Variants in KHDRBS2 observed in about 807,000 individuals in gnomAD.
KHDRBS2 encodes the protein KH domain-containing, RNA-binding, signal transduction-associated protein 2.
KHDRBS2 carries 26 observed loss-of-function variants against 44.3 expected under a neutral mutation model. The ratio of observed to expected loss-of-function variants is 0.59; its 90% CI spans 0.43 to 0.81. The LOEUF (loss-of-function observed/expected upper bound fraction) is 0.81, where lower values mean the gene tolerates loss of function less well. Among genes scored for constraint, KHDRBS2 ranks in the 40% least tolerant of loss-of-function variants. KHDRBS2 has a pLI of 0.00. For missense variants in KHDRBS2, 476 were observed against 433.1 expected (o/e 1.10, Z -0.88); for synonymous variants, 194 against 151.1 (o/e 1.28, Z -2.08).
intron 6 of KHDRBS2, among the ~76,000 whole-genome samples, chr6:61,771,151 C>A (rs1487439249): frequency 6.6e-6 from 1 of 152,174 alleles, no homozygotes; most frequent in Non-Finnish European, 1.5e-5. Context: ...GATTTTGTCA[C>A]CACCAGGCCT....
intron 6 of KHDRBS2, among the ~76,000 whole-genome samples, chr6:61,812,693 A>C (rs1391065214): frequency 6.6e-6 from 1 of 152,080 alleles, no homozygotes; most frequent in African/African-American, 2.4e-5. Flanking sequence ...AAAAGGATAA[A>C]ATATAAAACA....
chr6:61,581,494 T>A, the KHDRBS2 span, among the ~76,000 whole-genome samples: 1 of 149,726 alleles, frequency 6.7e-6, no homozygotes, highest in Non-Finnish European at 1.5e-5. Context: ...AGTGAAGACA[T>A]AAAACTTGTG....
the KHDRBS2 span, among the ~76,000 whole-genome samples, chr6:61,663,500 CATAT>C: frequency 0.093 from 3,336 of 35,994 alleles, 786 homozygotes; most frequent in Middle Eastern, 0.33. Flanking sequence ...CATGAGACAC[CATAT>C]ATATATATAT....
intron 4 of KHDRBS2, among the ~76,000 whole-genome samples, chr6:61,939,832 G>A (rs147818502): frequency 6.6e-6 from 1 of 152,304 alleles, no homozygotes; most frequent in East Asian, 1.9e-4. Flanking sequence ...AGGCTATGGA[G>A]ATGCAAAATT....
chr6:62,047,844 G>C, intron 3 of KHDRBS2, 34 bp downstream of exon 3: 1 of 1,376,040 alleles, frequency 7.3e-7, no homozygotes, highest in Non-Finnish European at 1.0e-6. Flanking sequence ...GTAACCTCCT[G>C]AATGTGGTAA....
chr6:61,841,085 A>C (rs1359787814), intron 6 of KHDRBS2, among the ~76,000 whole-genome samples: 10 of 152,176 alleles, frequency 6.6e-5, no homozygotes, highest in Non-Finnish European at 1.5e-4. Flanking sequence ...CTCTGCTAAT[A>C]CTAATAAAAA....
intron 6 of KHDRBS2, among the ~76,000 whole-genome samples, chr6:61,835,270 A>G (rs1259861106): frequency 6.6e-6 from 1 of 152,070 alleles, no homozygotes; most frequent in East Asian, 1.9e-4. Context: ...CACCCTTCTC[A>G]TGCCTACGTG....
At chr6:61,751,108 T>C (rs548103356) in intron 6 of KHDRBS2, among the ~76,000 whole-genome samples, 7 of 152,278 alleles carry the variant, frequency 4.6e-5, no homozygotes, top group Admixed American at 1.3e-4. Context: ...CTTATACCCA[T>C]TTTATAACTG....
At position 61,743,206 on chromosome 6, in the gene KHDRBS2, T is replaced by C. The variant is rs527249402; in HGVS notation, c.811-10442A>G. ...CATAAACATATATAACAAGCATGCATTGGGAGACCAGTAAAAGCCAGTATG... is the reference window on the plus strand; with the variant it reads ...CATAAACATATATAACAAGCATGCACTGGGAGACCAGTAAAAGCCAGTATG... On this transcript the variant is annotated intron_variant, in intron 6 of 8. Coordinates refer to ENST00000281156, the MANE Select transcript of KHDRBS2 (RefSeq NM_152688.4). Among the ~76,000 whole-genome samples the C allele has an allele frequency of 8.5e-5, 13 of 152,214 alleles. No individual in the cohort carries two copies. In the East Asian group the frequency reaches 2.1e-3, roughly 25 times the overall value.
intron 2 of KHDRBS2, among the ~76,000 whole-genome samples, chr6:62,128,826 A>G (rs1446384462): frequency 6.6e-6 from 1 of 152,084 alleles, no homozygotes; most frequent in East Asian, 1.9e-4. Context: ...ATCATATCCC[A>G]GCCAACATAT....
chr6:62,231,318 G>A (rs984001654), intron 1 of KHDRBS2, among the ~76,000 whole-genome samples: 3 of 152,306 alleles, frequency 2.0e-5, no homozygotes, highest in East Asian at 1.9e-4. Flanking sequence ...GGCAGAAGGC[G>A]AAGGAGAAGC....
chr6:62,012,390 T>C (rs1019977465), intron 3 of KHDRBS2, among the ~76,000 whole-genome samples: 1 of 152,172 alleles, frequency 6.6e-6, no homozygotes, highest in Non-Finnish European at 1.5e-5. Flanking sequence ...CTGTATCCAC[T>C]CTTACTCATC....
At chr6:61,610,328 A>G in the KHDRBS2 span, among the ~76,000 whole-genome samples, 2 of 152,230 alleles carry the variant, frequency 1.3e-5, no homozygotes, top group African/African-American at 4.8e-5. Context: ...GATTTGCTTC[A>G]TATATTTAAA....
At chr6:61,694,672 C>G (rs1767713974) in intron 8 of KHDRBS2, among the ~76,000 whole-genome samples, 1 of 152,146 alleles carries the variant, frequency 6.6e-6, no homozygotes, top group African/African-American at 2.4e-5. Context: ...GCCTGGCTGG[C>G]CCCTGGTGTG....
chr6:62,200,371 A>G (rs1249655777), intron 1 of KHDRBS2, among the ~76,000 whole-genome samples: 2 of 152,194 alleles, frequency 1.3e-5, no homozygotes, highest in Non-Finnish European at 2.9e-5. Flanking sequence ...TCTACAATGA[A>G]CTCAAACAAA....
intron 1 of KHDRBS2, among the ~76,000 whole-genome samples, chr6:62,217,149 T>C (rs1830147225): frequency 1.3e-5 from 2 of 151,744 alleles, no homozygotes; most frequent in African/African-American, 4.8e-5. Context: ...ATAATGCATG[T>C]GCTTAATGCA....
At position 61,908,180 on chromosome 6, in the gene KHDRBS2, A is replaced by G. The variant is rs552673768; in HGVS notation, c.484-6809T>C. ...TATTTTAGTATTGTTTTATTACTTT[A>G]GTATTAAAACATCCTGGAGAGATAA... On this transcript the variant is annotated intron_variant, in intron 4 of 8. Transcript: ENST00000281156. 1.4e-4 allele frequency among the ~76,000 whole-genome samples: 21 copies of G among 152,308 alleles called. No homozygotes were observed. In the South Asian group the frequency reaches 4.1e-3, roughly 30 times the overall value.
intron 2 of KHDRBS2, among the ~76,000 whole-genome samples, chr6:62,128,940 T>A (rs936455656): frequency 2.0e-5 from 3 of 152,018 alleles, no homozygotes; most frequent in African/African-American, 7.2e-5. Context: ...TGCAGTAACA[T>A]AACAAAGTTT....
chr6:61,777,321 C>A (rs900112272), intron 6 of KHDRBS2, among the ~76,000 whole-genome samples: 7 of 151,914 alleles, frequency 4.6e-5, no homozygotes, highest in Non-Finnish European at 1.0e-4. Flanking sequence ...TCCACTGGGT[C>A]TAACAAAATA....
Sources: allele counts gnomAD v4.1 joint callset (sites outside exome capture counted in the v4.1 genomes callset), GRCh38; gene constraint gnomAD v4.1.1; transcripts MANE v1.5; gene names NCBI Gene and HGNC (gene_info 2026-07-23, HGNC 2026-07-21).